Variants in WAC observed in about 807,000 individuals in gnomAD.
WAC encodes the protein WW domain containing adaptor with coiled-coil.
Under a neutral mutation model 79.6 loss-of-function variants are expected in WAC, and 11 were observed. The observed-to-expected ratio is 0.14, with a 90% CI of 0.09 to 0.23. The LOEUF is 0.23. WAC is among the 10% of genes least tolerant of loss of function. WAC has a pLI of 1.00. For synonymous variants in WAC, 304 were observed against 276.9 expected (o/e 1.10, Z -0.97); for missense variants, 728 against 773.5 (o/e 0.94, Z 0.70).
At chr10:28,591,969 A>G (rs2132684295) in intron 6 of WAC, 1 of 152,206 alleles carries the variant, frequency 6.6e-6, no homozygotes, top group East Asian at 1.9e-4. Flanking sequence ...TGCTCCTATA[A>G]CTCAAACCAA....
intron 3 of WAC, among the ~76,000 whole-genome samples, chr10:28,580,191 TTGA>T (rs1337417133): frequency 6.6e-6 from 1 of 152,224 alleles, no homozygotes; most frequent in Non-Finnish European, 1.5e-5. Flanking sequence ...TGCTTATGAC[TTGA>T]TTATTATGCT....
intron 7 of WAC, 43 bp downstream of exon 7, chr10:28,596,084 C>T (rs774949720): frequency 1.0e-5 from 16 of 1,547,620 alleles, no homozygotes; most frequent in Non-Finnish European, 1.4e-5. Context: ...ACTATAGTTT[C>T]TAAGTTTCTT....
intron 4 of WAC, 56 bp downstream of exon 4, chr10:28,583,561 A>G: frequency 7.7e-7 from 1 of 1,303,066 alleles, no homozygotes; most frequent in Non-Finnish European, 1.1e-6. Flanking sequence ...GCAAAAAAAA[A>G]AAAAAAATAC....
chr10:28,622,055 T>TAC lies in WAC; in HGVS notation c.*2449_*2450insAC, dbSNP rs1841713707. 6.6e-6 allele frequency: 1 copy of TAC among 152,198 alleles called. No homozygotes were observed. Among genetic ancestry groups the TAC allele is most frequent in the Admixed American group, 6.5e-5 (1 of 15,284 alleles). 9.4% of individuals were successfully genotyped at this position (152,198 alleles called of 1,614,324 possible). A position where few individuals can be genotyped will look rare whatever the true frequency, so the allele number is the denominator to read the frequency against. ...ACCACGCCTGGCTAATTTTGTATTT[T>TAC]TAGTAGAGATGGGGTTTCTCCATGT... On this transcript the variant is annotated 3_prime_UTR_variant, in exon 14 of 14. Transcript: ENST00000354911.
intron 3 of WAC, among the ~76,000 whole-genome samples, chr10:28,547,853 TC>T (rs2132399139): frequency 6.6e-6 from 1 of 151,930 alleles, no homozygotes; most frequent in African/African-American, 2.4e-5. Context: ...AGGCCTTTTT[TC>T]GTTACTTCTA....
chr10:28,552,701 T>A (rs1245023747), intron 3 of WAC, among the ~76,000 whole-genome samples: 1 of 152,136 alleles, frequency 6.6e-6, no homozygotes, highest in Non-Finnish European at 1.5e-5. Flanking sequence ...TCATTTAGGA[T>A]TGTATGCTGG....
At position 28,620,544 on chromosome 10, in the gene WAC, T is replaced by A. The variant is rs1398168266; in HGVS notation, c.*938T>A. 6.6e-6 allele frequency: 1 copy of A among 152,640 alleles called. No individual in the cohort carries two copies. Among genetic ancestry groups the A allele is most frequent in the Admixed American group, 6.5e-5 (1 of 15,284 alleles). The allele number at this position is 152,640 out of a possible 1,614,324, so 9.5% of individuals were successfully genotyped here. The stretch of plus-strand genomic sequence containing the variant: ...ATAAACATGTTAAAACAAACAAAAA[T>A]TGTTATTTTTCTTTTCCTTCGGTCA... On this transcript the variant is annotated 3_prime_UTR_variant, in exon 14 of 14. Coordinates refer to ENST00000354911, the MANE Select transcript of WAC (RefSeq NM_016628.5).
rs1331547856 is a variant in WAC, at chr10:28,610,758, G to A, written c.1225G>A (p.Ala409Thr). 3.7e-6 allele frequency: 6 copies of A among 1,612,526 alleles called. No homozygotes were observed. The highest frequency in any genetic ancestry group is 5.1e-6 in the Non-Finnish European group (6 of 1,179,716). Residue 409 changes from alanine (A) to threonine (T), a missense_variant, in exon 9 of 14, where the codon GCT becomes ACT. Transcript: ENST00000354911. ...LQSIIHKFLT[A>T]GPSAFNITSL... ...GTCTATAATTCATAAGTTTCTTACT[G>A]CTGGACCATCTGCTTTCAACATAAC...
At chr10:28,551,915 C>G (rs540660447) in intron 3 of WAC, among the ~76,000 whole-genome samples, 2 of 151,006 alleles carry the variant, frequency 1.3e-5, no homozygotes, top group African/African-American at 4.9e-5. Context: ...ACCTTTGCCT[C>G]CTGAGTTCAA....
rs1412555875 is a variant in WAC, at chr10:28,614,607, C to T, written c.1478C>T (p.Ser493Leu). ...PVVKQGPVSQ[S>L]ATQQPVTADK... ...GTTAAGCAAGGACCAGTGTCACAGT[C>T]AGCCACACAGCAGCCTGTAACTGCT... The change falls in exon 11 of 14, where the codon TCA becomes TTA. Residue 493 changes from serine (S) to leucine (L), a missense_variant. Around this residue, in one of 3 missense-constraint regions of WAC, gnomAD observed 648 missense variants for 661.5 expected, o/e 0.98. Transcript: ENST00000354911. The T allele has an allele frequency of 2.5e-6, 4 of 1,614,182 alleles. No individual in the cohort carries two copies. The highest frequency in any genetic ancestry group is 2.2e-5 in the East Asian group (1 of 44,878).
Position 28,541,420 on chromosome 10 carries a change from GTTTTTTT to G in WAC, c.274+5683_274+5689del, listed in dbSNP as rs869099181. Among the ~76,000 whole-genome samples, 3 of 49,220 alleles carry G rather than the reference GTTTTTTT, an allele frequency of 6.1e-5. 1 individual carries two copies. The highest frequency in any genetic ancestry group is 1.1e-4 in the African/African-American group (1 of 9,302). 32.3% of individuals were successfully genotyped at this position (49,220 alleles called of 152,430 possible). A position where few individuals can be genotyped will look rare whatever the true frequency, so the allele number is the denominator to read the frequency against. Reference sequence around the variant, plus strand: ...GTGGGGTTGTGTGTGTGTGTGTTTTGTTTTTTTTTTTTTTTTTTTTTTTTTTAAGACA... The same window carrying G: ...GTGGGGTTGTGTGTGTGTGTGTTTTGTTTTTTTTTTTTTTTTTTTAAGACA... On this transcript the variant is annotated intron_variant, in intron 3 of 13. Transcript: ENST00000354911.
rs1285539583 is a variant in WAC, at chr10:28,589,591, T to C, written c.382-145T>C. 2.5e-5 allele frequency: 11 copies of C among 439,666 alleles called. 1 individual carries two copies. In the South Asian group the frequency reaches 2.7e-4, roughly 11 times the overall value. 27.2% of individuals were successfully genotyped at this position (439,666 alleles called of 1,614,324 possible). A position where few individuals can be genotyped will look rare whatever the true frequency, so the allele number is the denominator to read the frequency against. ...AAGATTTTCATAAACTAAGGTCTTATAAATACTTACACAGATAATTGCATT... is the reference window on the plus strand; with the variant it reads ...AAGATTTTCATAAACTAAGGTCTTACAAATACTTACACAGATAATTGCATT... On this transcript the variant is annotated intron_variant, in intron 4 of 13. Transcript: ENST00000354911.
At chr10:28,594,585 T>C (rs1290535875) in intron 6 of WAC, among the ~76,000 whole-genome samples, 1 of 152,218 alleles carries the variant, frequency 6.6e-6, no homozygotes, top group Non-Finnish European at 1.5e-5. Context: ...GGTATTCCGG[T>C]ACCTTTTGTT....
In WAC at chr10:28,609,695, G is replaced by GA. The variant is rs539886269; in HGVS notation, c.1166-1002dup. Among the ~76,000 whole-genome samples, 53 of 151,978 alleles carry GA rather than the reference G, an allele frequency of 3.5e-4. No individual in the cohort carries two copies. In the East Asian group the frequency reaches 6.9e-3, roughly 20 times the overall value. On this transcript the variant is annotated intron_variant, in intron 8 of 13. Transcript: ENST00000354911. ...CCCAGACCAGCCTGGGCAACATGGTGAACCCCATCTCTACTAAAAATACAA... is the reference window on the plus strand; with the variant it reads ...CCCAGACCAGCCTGGGCAACATGGTGAAACCCCATCTCTACTAAAAATACAA...
intron 3 of WAC, among the ~76,000 whole-genome samples, chr10:28,540,364 G>T (rs927773367): frequency 6.6e-6 from 1 of 152,178 alleles, no homozygotes; most frequent in African/African-American, 2.4e-5. Context: ...TTTGGTGGTG[G>T]TTACTATGGC....
rs910901423 is a variant in WAC at position 28,610,903 on chromosome 10, T to G, written c.1288+82T>G. The G allele has an allele frequency of 3.5e-5, 49 of 1,393,692 alleles. 1 individual carries two copies. The highest frequency in any genetic ancestry group is 4.5e-5 in the Non-Finnish European group (48 of 1,073,716). The allele number at this position is 1,393,692 out of a possible 1,614,324, so 86.3% of individuals were successfully genotyped here. A position where few individuals can be genotyped will look rare whatever the true frequency, so the allele number is the denominator to read the frequency against. On this transcript the variant is annotated intron_variant, in intron 9 of 13. Transcript: ENST00000354911. ...TAATAGCCCTTTTTTGTATTTAGTTTTTTCTTTCATTTTTTTTTTTAGTTT... is the reference window on the plus strand; with the variant it reads ...TAATAGCCCTTTTTTGTATTTAGTTGTTTCTTTCATTTTTTTTTTTAGTTT...
At chr10:28,603,993 A>C (rs1225300927) in intron 7 of WAC, among the ~76,000 whole-genome samples, 2 of 135,454 alleles carry the variant, frequency 1.5e-5, no homozygotes, top group Non-Finnish European at 3.1e-5. Flanking sequence ...ATATATGTAT[A>C]TATATATATA....
chr10:28,600,162 A>G (rs551599513), intron 7 of WAC, among the ~76,000 whole-genome samples: 11 of 152,306 alleles, frequency 7.2e-5, no homozygotes, highest in African/African-American at 2.4e-4. Flanking sequence ...CAAAGTAGCC[A>G]TAGAATTAGA....
Position 28,569,043 on chromosome 10 carries a change from T to G in WAC, c.275-14356T>G, listed in dbSNP as rs1183432856. On this transcript the variant is annotated intron_variant, in intron 3 of 13. Coordinates refer to ENST00000354911, the MANE Select transcript of WAC (RefSeq NM_016628.5). ...AAAAATGATGGTGTAAGAGGCACAT[T>G]TATTGATGAATGAAGAAGTTCCTGG... 2.0e-5 allele frequency among the ~76,000 whole-genome samples: 3 copies of G among 152,174 alleles called. No individual in the cohort carries two copies. The East Asian group carries it at 5.8e-4, about 29-fold the overall frequency.
Sources: allele counts gnomAD v4.1 joint callset (sites outside exome capture counted in the v4.1 genomes callset), GRCh38; gene constraint gnomAD v4.1.1; regional missense constraint gnomAD v4.1.1; transcripts MANE v1.5; gene names NCBI Gene and HGNC (gene_info 2026-07-23, HGNC 2026-07-21).